The following CLASP2 variants were observed in gnomAD, a reference collection of about 807,000 sequenced individuals.
The protein encoded by CLASP2 is cytoplasmic linker associated protein 2.
In CLASP2, 47 loss-of-function variants were observed where a neutral mutation model predicts 194.4. The observed-to-expected ratio is 0.24, with a 90% CI of 0.19 to 0.31. CLASP2 has a LOEUF of 0.31. Ranked by LOEUF, CLASP2 falls within the 10% of genes least tolerant of loss-of-function variation. The pLI, the probability that CLASP2 is intolerant of heterozygous loss-of-function variation, is 1.00. For synonymous variants in CLASP2, 619 were observed against 633.5 expected (o/e 0.98, Z 0.34); for missense variants, 1,445 against 1,823.6 (o/e 0.79, Z 3.78).
Position 33,603,058 on chromosome 3 carries a change from A to C in CLASP2, c.1818T>G (p.Asp606Glu). 6.2e-7 allele frequency: 1 copy of C among 1,601,978 alleles called. No individual in the cohort carries two copies. The highest frequency in any genetic ancestry group is 8.5e-7 in the Non-Finnish European group (1 of 1,173,954). The change falls in exon 18 of 39, where the codon GAT becomes GAG. Residue 606 changes from aspartate (D) to glutamate (E), a missense_variant. Coordinates refer to ENST00000682230, the MANE Select transcript of CLASP2 (RefSeq NM_001365631.1). The part of the protein sequence containing the change: ...GSLQRSRSDI[D>E]VNAAAGAKAH... ...CCTTGGCACCTGCAGCAGCATTCAC[A>C]TCAATGTCACTTCGTGAACGCTGCA...
chr3:33,687,360 C>G (rs2090809365), intron 4 of CLASP2, among the ~76,000 whole-genome samples: 1 of 152,172 alleles, frequency 6.6e-6, no homozygotes, highest in Non-Finnish European at 1.5e-5. Flanking sequence ...ATAATCACAA[C>G]TGACAGTGAA....
chr3:33,627,110 T>C (rs974900999), intron 9 of CLASP2, 30 bp from the exon 10 acceptor site: 3 of 1,284,620 alleles, frequency 2.3e-6, no homozygotes, highest in African/African-American at 2.9e-5. Context: ...ATTATAACAA[T>C]GTTTCTTGCC....
chr3:33,595,170 G>A (rs570411664), intron 19 of CLASP2, among the ~76,000 whole-genome samples: 2 of 152,004 alleles, frequency 1.3e-5, no homozygotes, highest in South Asian at 2.1e-4. Flanking sequence ...CACAGCACAC[G>A]GAAACTAGAC....
At chr3:33,662,905 G>A (rs2085512447) in intron 7 of CLASP2, among the ~76,000 whole-genome samples, 1 of 151,944 alleles carries the variant, frequency 6.6e-6, no homozygotes, top group Admixed American at 6.5e-5. Context: ...ATCAATACCA[G>A]ATATTAACTC....
intron 18 of CLASP2, among the ~76,000 whole-genome samples, chr3:33,598,332 A>G (rs1171380464): frequency 1.3e-5 from 2 of 151,880 alleles, no homozygotes. Flanking sequence ...AACCTCCCCA[A>G]TCACACTCTT....
intron 23 of CLASP2, chr3:33,577,230 G>C (rs753364466): frequency 6.3e-7 from 1 of 1,598,006 alleles, no homozygotes; most frequent in South Asian, 1.1e-5. Flanking sequence ...CGGGGGCGTA[G>C]AGGGCACCAG....
At chr3:33,594,556 T>C (rs2154242183) in intron 20 of CLASP2, among the ~76,000 whole-genome samples, 1 of 151,916 alleles carries the variant, frequency 6.6e-6, no homozygotes, top group Admixed American at 6.6e-5. Context: ...ACTTCAATGA[T>C]AAAACAATGG....
intron 7 of CLASP2, chr3:33,645,410 C>T (rs931624902): frequency 1.4e-6 from 1 of 737,598 alleles, no homozygotes; most frequent in Non-Finnish European, 2.5e-6. Flanking sequence ...AAGATTCTAT[C>T]AAAAAAAGAC....
chr3:33,530,891 G>A (rs2056126946), intron 34 of CLASP2, among the ~76,000 whole-genome samples: 1 of 152,158 alleles, frequency 6.6e-6, no homozygotes, highest in Admixed American at 6.5e-5. Flanking sequence ...ATAATGTTAA[G>A]ATACCAATAT....
At chr3:33,652,040 A>G (rs1054508730) in intron 7 of CLASP2, among the ~76,000 whole-genome samples, 1 of 152,136 alleles carries the variant, frequency 6.6e-6, no homozygotes, top group Non-Finnish European at 1.5e-5. Context: ...ACCATTTTAC[A>G]TGGCAAATAA....
intron 8 of CLASP2, among the ~76,000 whole-genome samples, chr3:33,635,033 C>T (rs1030656252): frequency 2.6e-5 from 4 of 151,896 alleles, no homozygotes; most frequent in South Asian, 2.1e-4. Flanking sequence ...AGACAGACTG[C>T]CTGAGCTCAG....
Position 33,607,477 on chromosome 3 carries a change from C to A in CLASP2, c.1449-16G>T. 1 of 1,566,540 alleles carries A rather than the reference C, an allele frequency of 6.4e-7. No homozygotes were observed. The highest frequency in any genetic ancestry group is 8.7e-7 in the Non-Finnish European group (1 of 1,147,412). Reference sequence around the variant, plus strand: ...GGCTGCATGTCTATAAAATAAAATACATCTTTAGAGTTATGATATAGCTGT... The same window carrying A: ...GGCTGCATGTCTATAAAATAAAATAAATCTTTAGAGTTATGATATAGCTGT... On this transcript the variant is annotated splice_polypyrimidine_tract_variant and intron_variant, in intron 14 of 38. Coordinates refer to ENST00000682230, the MANE Select transcript of CLASP2 (RefSeq NM_001365631.1).
intron 34 of CLASP2, among the ~76,000 whole-genome samples, chr3:33,528,396 C>T (rs533445972): frequency 1.3e-5 from 2 of 152,278 alleles, no homozygotes; most frequent in South Asian, 4.1e-4. Flanking sequence ...GACAAGGATG[C>T]CCTCTCTCAA....
chr3:33,673,017 T>A (rs2087686554), intron 6 of CLASP2, among the ~76,000 whole-genome samples: 1 of 152,208 alleles, frequency 6.6e-6, no homozygotes, highest in South Asian at 2.1e-4. Flanking sequence ...GAAAACACTC[T>A]GCAGGATATT....
intron 12 of CLASP2, among the ~76,000 whole-genome samples, chr3:33,617,399 T>A (rs1212945029): frequency 6.6e-6 from 1 of 152,138 alleles, no homozygotes; most frequent in Non-Finnish European, 1.5e-5. Flanking sequence ...GGCTTTGTAT[T>A]GGGGGAAATA....
intron 21 of CLASP2, among the ~76,000 whole-genome samples, chr3:33,591,486 C>A (rs1171587157): frequency 6.6e-6 from 1 of 152,116 alleles, no homozygotes; most frequent in African/African-American, 2.4e-5. Flanking sequence ...TGGCGCAAGC[C>A]TGTGGCACCA....
At chr3:33,617,082 C>CAGGA (rs2076323082) in intron 12 of CLASP2, among the ~76,000 whole-genome samples, 1 of 140,220 alleles carries the variant, frequency 7.1e-6, no homozygotes, top group Non-Finnish European at 1.5e-5. Context: ...TGTCTACAAT[C>CAGGA]TTAAAAAAAA....
chr3:33,517,386 A>G (rs1034817851), intron 34 of CLASP2, among the ~76,000 whole-genome samples: 2 of 152,368 alleles, frequency 1.3e-5, no homozygotes, highest in African/African-American at 2.4e-5. Flanking sequence ...AAAATACACA[A>G]AAGTGAGACC....
At chr3:33,695,111 G>A (rs2091738277) in intron 2 of CLASP2, among the ~76,000 whole-genome samples, 1 of 150,940 alleles carries the variant, frequency 6.6e-6, no homozygotes, top group African/African-American at 2.4e-5. Flanking sequence ...GTTGCCCAGG[G>A]CTTGGTGGTG....
Sources: gnomAD v4.1 joint callset for allele counts (sites outside exome capture counted in the v4.1 genomes callset) on GRCh38, gnomAD v4.1.1 for gene constraint, MANE v1.5 for transcripts, NCBI Gene and HGNC (gene_info 2026-07-23, HGNC 2026-07-21) for gene names.